PLCB4: variants seen among roughly 807,000 people sequenced by gnomAD.
PLCB4 encodes the protein 1-phosphatidylinositol 4,5-bisphosphate phosphodiesterase beta-4.
PLCB4 carries 77 observed loss-of-function variants against 178.8 expected under a neutral mutation model. The ratio of observed to expected loss-of-function variants is 0.43; its 90% CI spans 0.36 to 0.52. The LOEUF is 0.52. PLCB4 is among the 20% of genes least tolerant of loss of function. The probability of loss-of-function intolerance (pLI) is 0.00; values close to 1 mark genes in which losing one functional copy is unlikely to be tolerated. For synonymous variants in PLCB4, 496 were observed against 490.8 expected, an observed-to-expected ratio of 1.01 and a Z score of -0.14; for missense variants, 1,024 against 1,453.4, an observed-to-expected ratio of 0.70 and a Z score of 4.80.
Position 9,376,221 on chromosome 20 carries a change from A to G in PLCB4, c.744+3117A>G, listed in dbSNP as rs546768828. Reference sequence around the variant, plus strand: ...CAGCATCGGCACCCCTTGGGAGCTTATTAGAAATGCTCAGTCTTGGGTCCC... The same window carrying G: ...CAGCATCGGCACCCCTTGGGAGCTTGTTAGAAATGCTCAGTCTTGGGTCCC... On this transcript the variant is annotated intron_variant, in intron 12 of 39. Coordinates refer to ENST00000378473, the MANE Select transcript of PLCB4 (RefSeq NM_001377142.1). 4.6e-5 allele frequency among the ~76,000 whole-genome samples: 7 copies of G among 152,236 alleles called. No homozygotes were observed. The South Asian group carries it at 1.5e-3, about 32-fold the overall frequency.
chr20:9,394,164 T>C (rs2038383965), intron 18 of PLCB4, among the ~76,000 whole-genome samples: 1 of 152,180 alleles, frequency 6.6e-6, no homozygotes, highest in African/African-American at 2.4e-5. Context: ...CAGGATGATT[T>C]CCTTGAAAAT....
chr20:9,356,927 G>A (rs928989307), intron 7 of PLCB4, among the ~76,000 whole-genome samples: 1 of 152,058 alleles, frequency 6.6e-6, no homozygotes, highest in Non-Finnish European at 1.5e-5. Context: ...ACCAACCTGG[G>A]CAACATGGCC....
At chr20:9,212,337 T>C (rs1033415628) in intron 2 of PLCB4, among the ~76,000 whole-genome samples, 3 of 152,222 alleles carry the variant, frequency 2.0e-5, no homozygotes, top group Non-Finnish European at 2.9e-5. Flanking sequence ...AAATGATCTG[T>C]TTTTGTTCAA....
intron 35 of PLCB4, among the ~76,000 whole-genome samples, chr20:9,464,639 G>A (rs1039454596): frequency 2.0e-5 from 3 of 152,236 alleles, no homozygotes; most frequent in African/African-American, 7.2e-5. Flanking sequence ...TACCATCAGA[G>A]AATACTATAA....
At chr20:9,100,937 G>A (rs2091123803) in intron 2 of PLCB4, among the ~76,000 whole-genome samples, 1 of 152,000 alleles carries the variant, frequency 6.6e-6, no homozygotes, top group Non-Finnish European at 1.5e-5. Flanking sequence ...TGTCGCCCGT[G>A]GAGGGATTCC....
intron 2 of PLCB4, among the ~76,000 whole-genome samples, chr20:9,114,803 A>G (rs2091722026): frequency 6.6e-6 from 1 of 152,148 alleles, no homozygotes; most frequent in South Asian, 2.1e-4. Flanking sequence ...TGCCTGAGTA[A>G]CGACATTTCT....
At position 9,219,346 on chromosome 20, in the gene PLCB4, G is replaced by A. The variant is rs187510788; in HGVS notation, c.-16+1894G>A. On this transcript the variant is annotated intron_variant, in intron 3 of 39. Transcript: ENST00000378473. ...TAGCCAGGCATGGTGGTGGGCGCCT[G>A]TAGTCCCAGCTACTCAGGAAGCTGA... Among the ~76,000 whole-genome samples the A allele has an allele frequency of 7.4e-3, 1,130 of 152,212 alleles. 17 individuals carry two copies. Among genetic ancestry groups the A allele is most frequent in the African/African-American group, 0.026 (1,086 of 41,520 alleles).
At chr20:9,107,469 C>T (rs1299785256) in intron 2 of PLCB4, among the ~76,000 whole-genome samples, 2 of 152,120 alleles carry the variant, frequency 1.3e-5, no homozygotes, top group Non-Finnish European at 2.9e-5. Context: ...GTCTTTGAGT[C>T]AAGGCCCTAA....
intron 2 of PLCB4, among the ~76,000 whole-genome samples, chr20:9,195,547 G>T (rs1212540832): frequency 6.6e-6 from 1 of 152,132 alleles, no homozygotes; most frequent in Non-Finnish European, 1.5e-5. Context: ...GTGCAGAAAT[G>T]GTGAATTCTT....
At chr20:9,293,363 G>A (rs182403382) in intron 3 of PLCB4, among the ~76,000 whole-genome samples, 18 of 147,806 alleles carry the variant, frequency 1.2e-4, no homozygotes, top group African/African-American at 4.3e-4. Flanking sequence ...AGGAATGAAG[G>A]AAGGAAGGAA....
chr20:9,316,799 A>G (rs975714619), intron 4 of PLCB4, among the ~76,000 whole-genome samples: 2 of 152,208 alleles, frequency 1.3e-5, no homozygotes, highest in African/African-American at 4.8e-5. Context: ...AGATTTTTGC[A>G]AAGAAAAACC....
intron 2 of PLCB4, among the ~76,000 whole-genome samples, chr20:9,108,002 G>A (rs1394952038): frequency 1.3e-5 from 2 of 152,122 alleles, no homozygotes; most frequent in Non-Finnish European, 2.9e-5. Flanking sequence ...AGGAAGAGGT[G>A]GTGAAGGGGA....
At chr20:9,336,756 A>C (rs185231318) in intron 4 of PLCB4, among the ~76,000 whole-genome samples, 114 of 152,124 alleles carry the variant, frequency 7.5e-4, no homozygotes, top group Non-Finnish European at 1.3e-3. Context: ...AAAAAAACAC[A>C]AAACAAAAAC....
chr20:9,297,212 G>A (rs1471413569), intron 3 of PLCB4, among the ~76,000 whole-genome samples: 1 of 151,690 alleles, frequency 6.6e-6, no homozygotes, highest in Non-Finnish European at 1.5e-5. Flanking sequence ...TATCTTGCAT[G>A]CTATCAAAAA....
intron 2 of PLCB4, among the ~76,000 whole-genome samples, chr20:9,152,902 A>G (rs1046160314): frequency 3.3e-5 from 5 of 152,136 alleles, no homozygotes; most frequent in Admixed American, 1.3e-4. Flanking sequence ...GCCCAAGACC[A>G]TGGGAACATA....
intron 19 of PLCB4, 137 bp from the exon 20 acceptor site, chr20:9,401,353 G>A: frequency 1.6e-6 from 1 of 631,070 alleles, no homozygotes; most frequent in Non-Finnish European, 2.9e-6. Context: ...AAAAAATACT[G>A]CATATATCAA....
chr20:9,399,116 C>G (rs2038835101), intron 19 of PLCB4, among the ~76,000 whole-genome samples: 2 of 152,194 alleles, frequency 1.3e-5, no homozygotes, highest in Non-Finnish European at 2.9e-5. Context: ...CTTAAAGGTG[C>G]TTTCCCACCA....
chr20:9,453,493 T>C, intron 33 of PLCB4, 31 bp downstream of exon 33: 1 of 1,280,474 alleles, frequency 7.8e-7, no homozygotes, highest in Non-Finnish European at 1.1e-6. Context: ...CTGAAGACTT[T>C]CTCTATGTTT....
intron 1 of PLCB4, among the ~76,000 whole-genome samples, chr20:9,081,813 C>A (rs2090163249): frequency 1.4e-5 from 2 of 146,170 alleles, no homozygotes; most frequent in Admixed American, 1.4e-4. Context: ...AAGCCATCTG[C>A]AGACCTATTA....
Sources: gnomAD v4.1 joint callset for allele counts (sites outside exome capture counted in the v4.1 genomes callset) on GRCh38, gnomAD v4.1.1 for gene constraint, MANE v1.5 for transcripts, NCBI Gene and HGNC (gene_info 2026-07-23, HGNC 2026-07-21) for gene names.